Variants in FIG4 observed in about 807,000 individuals in gnomAD.
FIG4 encodes FIG4 phosphoinositide 5-phosphatase, also known as polyphosphoinositide phosphatase.
In FIG4, 112 loss-of-function variants were observed where a neutral mutation model predicts 118.6. The observed-to-expected ratio is 0.94, with a 90% confidence interval of 0.81 to 1.11. The LOEUF is 1.11. Ranked by LOEUF, FIG4 falls within the 50% of genes least tolerant of loss-of-function variation. The pLI, the probability that FIG4 is intolerant of heterozygous loss-of-function variation, is 0.00. For missense variants in FIG4, 969 were observed against 1,111.7 expected, an observed-to-expected ratio of 0.87 and a Z score of 1.83; for synonymous variants, 369 against 381.2, an observed-to-expected ratio of 0.97 and a Z score of 0.37.
intron 15 of FIG4, among the ~76,000 whole-genome samples, chr6:109,769,184 A>G (rs2128393153): frequency 6.6e-6 from 1 of 150,672 alleles, no homozygotes; most frequent in South Asian, 2.1e-4. Context: ...CTCACTGCAA[A>G]CTCCGCCTCC....
At chr6:109,817,882 C>T (rs796101913) in intron 22 of FIG4, among the ~76,000 whole-genome samples, 39 of 152,316 alleles carry the variant, frequency 2.6e-4, no homozygotes, top group African/African-American at 9.4e-4. Flanking sequence ...CTGCAGAAAG[C>T]ATAATCTGCT....
chr6:109,824,882 G>A (rs1779112962), intron 22 of FIG4, among the ~76,000 whole-genome samples: 1 of 152,160 alleles, frequency 6.6e-6, no homozygotes, highest in Non-Finnish European at 1.5e-5. Flanking sequence ...AATCAGGTGA[G>A]GCTCCCAGAG....
At position 109,811,174 on chromosome 6, in the gene FIG4, G is replaced by A. The variant is rs77764736; in HGVS notation, c.2547-13914G>A. On this transcript the variant is annotated intron_variant, in intron 22 of 22. Transcript: ENST00000230124. ...GTGATCATTCCCTCAAGTAATATTC[G>A]AATCACTGTCAAGTGAAGCAGAGCT... 6.8e-4 allele frequency among the ~76,000 whole-genome samples: 104 copies of A among 152,196 alleles called. 1 individual carries two copies. The East Asian group carries it at 0.017, about 25-fold the overall frequency.
chr6:109,756,268 A>C (rs1776895709), intron 10 of FIG4, among the ~76,000 whole-genome samples: 1 of 151,962 alleles, frequency 6.6e-6, no homozygotes, highest in South Asian at 2.1e-4. Flanking sequence ...ATTGGCCCCC[A>C]CTCTCTTCTG....
chr6:109,817,588 A>G (rs550766411), intron 22 of FIG4, among the ~76,000 whole-genome samples: 5 of 151,838 alleles, frequency 3.3e-5, no homozygotes, highest in Middle Eastern at 3.4e-3. Flanking sequence ...AAAAAAGAGT[A>G]TAATTCTACC....
intron 18 of FIG4, among the ~76,000 whole-genome samples, chr6:109,787,276 A>G (rs1334494472): frequency 2.6e-5 from 4 of 152,164 alleles, no homozygotes; most frequent in East Asian, 3.8e-4. Flanking sequence ...TTAATTTTTT[A>G]TATTTCACAT....
At chr6:109,733,582 A>G (rs1776073115) in intron 5 of FIG4, among the ~76,000 whole-genome samples, 1 of 152,108 alleles carries the variant, frequency 6.6e-6, no homozygotes, top group South Asian at 2.1e-4. Context: ...TCTTTATGAA[A>G]CAAAGAAAAA....
intron 16 of FIG4, among the ~76,000 whole-genome samples, chr6:109,780,675 C>T (rs1777773903): frequency 6.6e-6 from 1 of 152,120 alleles, no homozygotes; most frequent in Non-Finnish European, 1.5e-5. Flanking sequence ...TTGTGGCATG[C>T]TGTATCTTAT....
intron 10 of FIG4, among the ~76,000 whole-genome samples, chr6:109,747,226 CA>C (rs1361263374): frequency 6.6e-6 from 1 of 151,962 alleles, no homozygotes; most frequent in Non-Finnish European, 1.5e-5. Context: ...ACTCTGTGTA[CA>C]GATGACATTT....
At chr6:109,789,994 G>A (rs902930399) in intron 19 of FIG4, among the ~76,000 whole-genome samples, 1 of 152,044 alleles carries the variant, frequency 6.6e-6, no homozygotes, top group Non-Finnish European at 1.5e-5. Flanking sequence ...TATTTATTTT[G>A]TTGGCATCCT....
chr6:109,795,330 G>A (rs990025321), intron 21 of FIG4, among the ~76,000 whole-genome samples: 1 of 151,748 alleles, frequency 6.6e-6, no homozygotes, highest in Admixed American at 6.6e-5. Context: ...CAAATAATCA[G>A]TACTATGTGG....
intron 8 of FIG4, 34 bp from the exon 9 acceptor site, chr6:109,743,071 AATAAC>A: frequency 1.3e-6 from 2 of 1,543,510 alleles, no homozygotes; most frequent in Non-Finnish European, 1.8e-6. Context: ...AAACATTTCT[AATAAC>A]ATAAAATATT....
chr6:109,736,043 A>G (rs1296365457), intron 6 of FIG4, among the ~76,000 whole-genome samples: 1 of 152,052 alleles, frequency 6.6e-6, no homozygotes, highest in Non-Finnish European at 1.5e-5. Context: ...AGCACTGTAA[A>G]GCTAGAGGCA....
At chr6:109,725,528 A>C (rs1378867667) in intron 3 of FIG4, among the ~76,000 whole-genome samples, 1 of 152,038 alleles carries the variant, frequency 6.6e-6, no homozygotes, top group Non-Finnish European at 1.5e-5. Context: ...GTTGGTTCCA[A>C]GTTTTTGCTA....
chr6:109,730,472 C>T (rs765137827), intron 4 of FIG4, among the ~76,000 whole-genome samples: 4 of 151,918 alleles, frequency 2.6e-5, no homozygotes, highest in Non-Finnish European at 4.4e-5. Context: ...ACAATTGAAA[C>T]AAGAAAAACA....
chr6:109,767,837 A>G (rs952859397), intron 15 of FIG4, among the ~76,000 whole-genome samples: 4 of 151,770 alleles, frequency 2.6e-5, no homozygotes, highest in African/African-American at 7.3e-5. Flanking sequence ...GCGCCACTGC[A>G]CTCCAGCCTG....
chr6:109,785,240 T>C (rs537786968), intron 17 of FIG4, among the ~76,000 whole-genome samples: 3 of 152,350 alleles, frequency 2.0e-5, no homozygotes, highest in African/African-American at 7.2e-5. Context: ...TTTTTATCTA[T>C]GTAGGCCAAT....
chr6:109,703,085 G>A (rs1583627432), intron 1 of FIG4, among the ~76,000 whole-genome samples: 1 of 144,876 alleles, frequency 6.9e-6, no homozygotes, highest in Non-Finnish European at 1.5e-5. Flanking sequence ...ATGAGAAAGG[G>A]TTCATAGAAG....
chr6:109,698,250 T>A (rs1774796629), intron 1 of FIG4, among the ~76,000 whole-genome samples: 1 of 152,026 alleles, frequency 6.6e-6, no homozygotes, highest in African/African-American at 2.4e-5. Context: ...ATAATTGTAG[T>A]TTTATAGTAA....
Sources: allele counts gnomAD v4.1 joint callset (sites outside exome capture counted in the v4.1 genomes callset), GRCh38; gene constraint gnomAD v4.1.1; transcripts MANE v1.5; gene names NCBI Gene and HGNC (gene_info 2026-07-23, HGNC 2026-07-21).